The following GABRB1 variants were observed in gnomAD, a reference collection of about 807,000 sequenced individuals.
GABRB1 encodes the protein gamma-aminobutyric acid type A receptor subunit beta1.
A neutral mutation model predicts 51.6 loss-of-function variants in GABRB1; 17 were observed. That is an observed-to-expected ratio of 0.33 (90% CI 0.23 to 0.49). The LOEUF is 0.49. GABRB1 is among the 20% of genes least tolerant of loss of function. The pLI is 0.99. For synonymous variants in GABRB1, 247 were observed against 218.9 expected (o/e 1.13, Z -1.14); for missense variants, 410 against 600.6 (o/e 0.68, Z 3.32).
At chr4:47,181,066 C>A (rs150207260) in intron 4 of GABRB1, among the ~76,000 whole-genome samples, 2 of 151,910 alleles carry the variant, frequency 1.3e-5, no homozygotes, top group Non-Finnish European at 2.9e-5. Context: ...GACTCAGATA[C>A]TTTATTAATT....
intron 4 of GABRB1, among the ~76,000 whole-genome samples, chr4:47,221,999 A>G (rs1163441999): frequency 6.6e-6 from 1 of 152,122 alleles, no homozygotes; most frequent in African/African-American, 2.4e-5. Flanking sequence ...CTTTAGCACT[A>G]TGCTAGGGAG....
rs67749563 is a variant in GABRB1, at chr4:47,140,093, AACACACACACACACACAC to A, written c.241-21124_241-21107del. Among the ~76,000 whole-genome samples, 168 of 135,410 alleles carry A rather than the reference AACACACACACACACACAC, an allele frequency of 1.2e-3. No individual in the cohort carries two copies. In the East Asian group the frequency reaches 0.015, roughly 12 times the overall value. The allele number at this position is 135,410 out of a possible 152,430, so 88.8% of individuals were successfully genotyped here. ...ATATTCCTGGTAACTAAATTAAATT[AACACACACACACACACAC>A]ACACACACACACACACACACACACA... On this transcript the variant is annotated intron_variant, in intron 3 of 8. Transcript: ENST00000295454.
chr4:47,342,640 C>G (rs1725944513), intron 5 of GABRB1, among the ~76,000 whole-genome samples: 1 of 152,148 alleles, frequency 6.6e-6, no homozygotes, highest in Admixed American at 6.6e-5. Context: ...AGATGTACAG[C>G]TTTTCCTAAT....
intron 3 of GABRB1, among the ~76,000 whole-genome samples, chr4:47,101,107 T>A (rs910377961): frequency 4.6e-5 from 7 of 152,006 alleles, no homozygotes; most frequent in Non-Finnish European, 8.8e-5. Flanking sequence ...CGTGGGCTCA[T>A]CTTCACCTGG....
intron 3 of GABRB1, among the ~76,000 whole-genome samples, chr4:47,123,401 T>C (rs1208162402): frequency 1.6e-5 from 2 of 122,876 alleles, no homozygotes; most frequent in Non-Finnish European, 3.2e-5. Context: ...ATATTACATA[T>C]ATACATATAT....
At chr4:47,239,987 C>T (rs930837551) in intron 4 of GABRB1, among the ~76,000 whole-genome samples, 6 of 152,166 alleles carry the variant, frequency 3.9e-5, no homozygotes, top group African/African-American at 1.4e-4. Flanking sequence ...TTAGTCACCA[C>T]ACATGGTGGA....
chr4:47,093,600 C>T (rs1471605223), intron 3 of GABRB1, among the ~76,000 whole-genome samples: 1 of 152,166 alleles, frequency 6.6e-6, no homozygotes, highest in African/African-American at 2.4e-5. Flanking sequence ...TCTCATATTA[C>T]TTATCACAGT....
At chr4:47,045,652 T>A (rs555527570) in intron 3 of GABRB1, among the ~76,000 whole-genome samples, 346 of 152,094 alleles carry the variant, frequency 2.3e-3, no homozygotes, top group Non-Finnish European at 3.3e-3. Context: ...CTTCACATGG[T>A]GTGCTTACAT....
At chr4:47,112,138 T>A (rs1394200858) in intron 3 of GABRB1, among the ~76,000 whole-genome samples, 1 of 151,192 alleles carries the variant, frequency 6.6e-6, no homozygotes, top group Admixed American at 6.6e-5. Flanking sequence ...CCTGGCTAAT[T>A]TTTTTTGTTT....
chr4:47,137,858 C>T (rs1244564968), intron 3 of GABRB1, among the ~76,000 whole-genome samples: 11 of 152,010 alleles, frequency 7.2e-5, no homozygotes, highest in Non-Finnish European at 1.5e-4. Context: ...TCAATTTGTT[C>T]CCATCCAATA....
chr4:47,125,786 A>C (rs1577931359), intron 3 of GABRB1, among the ~76,000 whole-genome samples: 1 of 148,184 alleles, frequency 6.7e-6, no homozygotes, highest in Non-Finnish European at 1.5e-5. Context: ...CAATCTCCTG[A>C]CCTCGTGATC....
chr4:47,227,111 C>T (rs16860085), intron 4 of GABRB1, among the ~76,000 whole-genome samples: 1,963 of 152,272 alleles, frequency 0.013, 38 homozygotes, highest in African/African-American at 0.045. Context: ...CCGCAGGTGC[C>T]TTTTCCCTTC....
intron 4 of GABRB1, among the ~76,000 whole-genome samples, chr4:47,310,761 C>T (rs1242640112): frequency 2.6e-5 from 4 of 152,040 alleles, no homozygotes; most frequent in East Asian, 1.9e-4. Flanking sequence ...AAATAATGCA[C>T]GTGTGGTAAA....
chr4:47,342,633 T>C (rs894334818), intron 5 of GABRB1, among the ~76,000 whole-genome samples: 3 of 152,328 alleles, frequency 2.0e-5, no homozygotes, highest in African/African-American at 7.2e-5. Context: ...TTTCAGAAGA[T>C]GTACAGCTTT....
chr4:47,049,212 G>C (rs955521642), intron 3 of GABRB1, among the ~76,000 whole-genome samples: 2 of 152,136 alleles, frequency 1.3e-5, no homozygotes. Flanking sequence ...AAGGCGATTT[G>C]TTTGTTTGAG....
chr4:47,156,416 T>G (rs1383513197), intron 3 of GABRB1, among the ~76,000 whole-genome samples: 1 of 152,074 alleles, frequency 6.6e-6, no homozygotes, highest in Non-Finnish European at 1.5e-5. Context: ...GCCTGTGCTG[T>G]GCATTGTAGT....
chr4:47,154,301 G>A (rs1717595156), intron 3 of GABRB1, among the ~76,000 whole-genome samples: 1 of 138,352 alleles, frequency 7.2e-6, no homozygotes, highest in Non-Finnish European at 1.5e-5. Context: ...TCTTTTTACT[G>A]GCATGTATAC....
At chr4:47,358,392 T>C (rs1726667150) in intron 5 of GABRB1, among the ~76,000 whole-genome samples, 2 of 149,712 alleles carry the variant, frequency 1.3e-5, no homozygotes, top group African/African-American at 4.9e-5. Flanking sequence ...TATATATGTA[T>C]ATATATATAT....
chr4:47,317,849 T>A (rs1156461190), intron 4 of GABRB1, among the ~76,000 whole-genome samples: 1 of 151,858 alleles, frequency 6.6e-6, no homozygotes, highest in Admixed American at 6.6e-5. Flanking sequence ...TACTCTGATA[T>A]ATATATATAT....
Sources: gnomAD v4.1 joint callset for allele counts (sites outside exome capture counted in the v4.1 genomes callset) on GRCh38, gnomAD v4.1.1 for gene constraint, MANE v1.5 for transcripts, NCBI Gene and HGNC (gene_info 2026-07-23, HGNC 2026-07-21) for gene names.